KCNIP4: variants seen among roughly 807,000 people sequenced by gnomAD.
The protein encoded by KCNIP4 is potassium voltage-gated channel interacting protein 4.
Under a neutral mutation model 34.0 loss-of-function variants are expected in KCNIP4, and 12 were observed. The ratio of observed to expected loss-of-function variants is 0.35; its 90% CI spans 0.23 to 0.57. The LOEUF (loss-of-function observed/expected upper bound fraction) is 0.57. Among genes scored for constraint, KCNIP4 ranks in the 20% least tolerant of loss-of-function variants. The probability of loss-of-function intolerance (pLI) is 0.83; values close to 1 mark genes in which losing one functional copy is unlikely to be tolerated. For missense variants in KCNIP4, 238 were observed against 311.7 expected, an observed-to-expected ratio of 0.76 and a Z score of 1.78; for synonymous variants, 124 against 102.2, an observed-to-expected ratio of 1.21 and a Z score of -1.29.
intron 1 of KCNIP4, among the ~76,000 whole-genome samples, chr4:21,075,844 A>T (rs1469269735): frequency 6.6e-6 from 1 of 152,098 alleles, no homozygotes; most frequent in Non-Finnish European, 1.5e-5. Flanking sequence ...GTGGTGACAA[A>T]ATCTCTCAGC....
At chr4:21,223,732 C>A (rs1319348766) in intron 1 of KCNIP4, among the ~76,000 whole-genome samples, 1 of 152,176 alleles carries the variant, frequency 6.6e-6, no homozygotes, top group African/African-American at 2.4e-5. Context: ...CCAATGCAAT[C>A]TATCGGTGTT....
chr4:21,295,951 A>AAT (rs1357663168), intron 1 of KCNIP4, among the ~76,000 whole-genome samples: 13 of 147,378 alleles, frequency 8.8e-5, no homozygotes, highest in African/African-American at 3.1e-4. Context: ...AATGAATGAA[A>AAT]TCCACTACAA....
intron 1 of KCNIP4, among the ~76,000 whole-genome samples, chr4:21,423,173 C>T (rs758110080): frequency 4.6e-5 from 7 of 152,052 alleles, no homozygotes; most frequent in Non-Finnish European, 1.0e-4. Context: ...TGCACTCAGA[C>T]GCTATCTTAG....
intron 3 of KCNIP4, among the ~76,000 whole-genome samples, chr4:20,784,946 C>A (rs1165796169): frequency 1.3e-5 from 2 of 152,096 alleles, no homozygotes; most frequent in Admixed American, 1.3e-4. Flanking sequence ...AAGGGCATTC[C>A]CCCATTCCAG....
At chr4:21,789,070 CAAA>C (rs35630701) in intron 1 of KCNIP4, among the ~76,000 whole-genome samples, 14,061 of 93,738 alleles carry the variant, frequency 0.15, 777 homozygotes, top group Middle Eastern at 0.35. Context: ...GAGATTCTGT[CAAA>C]AAAAAAAAAA....
At chr4:21,920,956 A>G (rs1728908244) in intron 1 of KCNIP4, among the ~76,000 whole-genome samples, 1 of 152,128 alleles carries the variant, frequency 6.6e-6, no homozygotes, top group Non-Finnish European at 1.5e-5. Flanking sequence ...AGTTTTACAG[A>G]CTTTTAGAAT....
At chr4:21,332,969 C>T (rs1174239976) in intron 1 of KCNIP4, among the ~76,000 whole-genome samples, 1 of 152,040 alleles carries the variant, frequency 6.6e-6, no homozygotes, top group Non-Finnish European at 1.5e-5. Flanking sequence ...TCCTGTAATA[C>T]ACCAAGGTCT....
At chr4:21,252,032 T>C (rs1244437929) in intron 1 of KCNIP4, among the ~76,000 whole-genome samples, 2 of 149,400 alleles carry the variant, frequency 1.3e-5, no homozygotes, top group Non-Finnish European at 3.0e-5. Context: ...ATAAAAGAAA[T>C]ATAATGGGAA....
At chr4:21,424,171 A>G (rs1291613150) in intron 1 of KCNIP4, among the ~76,000 whole-genome samples, 1 of 151,914 alleles carries the variant, frequency 6.6e-6, no homozygotes, top group African/African-American at 2.4e-5. Context: ...TTGATGGAGG[A>G]TGGGTAAAGG....
chr4:21,826,795 C>T (rs1020655493), intron 1 of KCNIP4, among the ~76,000 whole-genome samples: 2 of 151,974 alleles, frequency 1.3e-5, no homozygotes, highest in Non-Finnish European at 2.9e-5. Context: ...TAAATATGAT[C>T]ATCTACATAT....
At chr4:20,788,701 C>G (rs541874843) in intron 3 of KCNIP4, among the ~76,000 whole-genome samples, 56 of 152,132 alleles carry the variant, frequency 3.7e-4, no homozygotes, top group African/African-American at 1.3e-3. Context: ...GTTAATAAAA[C>G]AAAACAAAAC....
intron 1 of KCNIP4, among the ~76,000 whole-genome samples, chr4:21,887,824 G>T (rs539300366): frequency 6.6e-6 from 1 of 152,248 alleles, no homozygotes; most frequent in South Asian, 2.1e-4. Flanking sequence ...TATTGCTGAT[G>T]ATTGAAACCA....
chr4:21,792,997 A>G (rs1288365042), intron 1 of KCNIP4, among the ~76,000 whole-genome samples: 1 of 152,172 alleles, frequency 6.6e-6, no homozygotes, highest in Non-Finnish European at 1.5e-5. Flanking sequence ...AGAGAAGGAA[A>G]GCTACTGCCT....
At chr4:20,837,840 C>G (rs1719252337) in intron 3 of KCNIP4, among the ~76,000 whole-genome samples, 1 of 140,736 alleles carries the variant, frequency 7.1e-6, no homozygotes, top group South Asian at 2.5e-4. Flanking sequence ...CATCACTATG[C>G]CCAGCAAATT....
intron 1 of KCNIP4, among the ~76,000 whole-genome samples, chr4:21,010,053 AC>A (rs368946309): frequency 1.7e-4 from 26 of 152,246 alleles, no homozygotes; most frequent in African/African-American, 6.3e-4. Context: ...ACCTAACCCA[AC>A]CCTAATTACT....
rs527450609 is a variant in KCNIP4 at position 21,689,536 on chromosome 4, G to C, written c.61+259035C>G. ...CTGTTGCCTCTCAGAAAGATGGCTG[G>C]GGGTTGAGCAGAGAGAATAGCTCTC... On this transcript the variant is annotated intron_variant, in intron 1 of 8. Coordinates refer to ENST00000382152, the MANE Select transcript of KCNIP4 (RefSeq NM_025221.6). Among the ~76,000 whole-genome samples the C allele has an allele frequency of 1.6e-3, 243 of 152,162 alleles. 1 individual carries two copies. Among genetic ancestry groups the C allele is most frequent in the Non-Finnish European group, 2.6e-3 (175 of 68,012 alleles).
chr4:21,555,657 CAT>C (rs755692027), intron 1 of KCNIP4, among the ~76,000 whole-genome samples: 20 of 152,122 alleles, frequency 1.3e-4, no homozygotes, highest in South Asian at 4.1e-4. Flanking sequence ...TTCAACAAAA[CAT>C]ATGCTCAAAT....
chr4:21,031,233 A>C (rs1163619432), intron 1 of KCNIP4, among the ~76,000 whole-genome samples: 1 of 152,216 alleles, frequency 6.6e-6, no homozygotes, highest in Non-Finnish European at 1.5e-5. Flanking sequence ...TGCTTGTCAT[A>C]GAGTCTGGCA....
chr4:21,479,409 G>A (rs1731245961), intron 1 of KCNIP4, among the ~76,000 whole-genome samples: 2 of 152,112 alleles, frequency 1.3e-5, no homozygotes, highest in Admixed American at 1.3e-4. Flanking sequence ...TTCTCTAATA[G>A]CAAAGCTCAC....
Sources: gnomAD v4.1 joint callset for allele counts (sites outside exome capture counted in the v4.1 genomes callset) on GRCh38, gnomAD v4.1.1 for gene constraint, MANE v1.5 for transcripts, NCBI Gene and HGNC (gene_info 2026-07-23, HGNC 2026-07-21) for gene names.